Variants in GDAP1L1 observed in about 807,000 individuals in gnomAD.
GDAP1L1 encodes the protein ganglioside induced differentiation associated protein 1 like 1.
GDAP1L1 carries 21 observed loss-of-function variants against 37.1 expected under a neutral mutation model. That is an observed-to-expected ratio of 0.57 (90% CI 0.40 to 0.81). The LOEUF is 0.81. GDAP1L1 is among the 40% of genes least tolerant of loss of function. The probability of loss-of-function intolerance (pLI) is 0.00; values close to 1 mark genes in which losing one functional copy is unlikely to be tolerated. For missense variants in GDAP1L1, 362 were observed against 491.6 expected (o/e 0.74, Z 2.49); for synonymous variants, 193 against 209.1 (o/e 0.92, Z 0.67).
chr20:44,268,873 G>A (rs1158875662), intron 5 of GDAP1L1, among the ~76,000 whole-genome samples: 1 of 152,212 alleles, frequency 6.6e-6, no homozygotes, highest in Non-Finnish European at 1.5e-5. Context: ...TTTATACTAA[G>A]TACAATGGGA....
At chr20:44,275,505 C>T (rs1424694982) in intron 5 of GDAP1L1, among the ~76,000 whole-genome samples, 3 of 152,102 alleles carry the variant, frequency 2.0e-5, no homozygotes, top group Non-Finnish European at 2.9e-5. Flanking sequence ...GCAGCCATCA[C>T]AGGAAGGGAA....
intron 5 of GDAP1L1, 63 bp downstream of exon 5, chr20:44,264,622 A>G: frequency 6.4e-7 from 1 of 1,571,134 alleles, no homozygotes; most frequent in Non-Finnish European, 8.6e-7. Context: ...TCCCCTGCCC[A>G]GTCTCAGCCT....
At chr20:44,262,415 C>T (rs1278343950) in intron 3 of GDAP1L1, among the ~76,000 whole-genome samples, 1 of 151,888 alleles carries the variant, frequency 6.6e-6, no homozygotes, top group African/African-American at 2.4e-5. Flanking sequence ...TCTGGCTGGG[C>T]TTTGTGTTGG....
At chr20:44,265,170 C>T (rs2073741682) in intron 5 of GDAP1L1, 1 of 985,322 alleles carries the variant, frequency 1.0e-6, no homozygotes, top group Non-Finnish European at 1.2e-6. Flanking sequence ...TCCAGCCAGA[C>T]ATCCAAGCTC....
rs568129117 is a variant in GDAP1L1 at position 44,272,582 on chromosome 20, G to A, written c.761-6375G>A. On this transcript the variant is annotated intron_variant, in intron 5 of 5. Coordinates refer to ENST00000342560, the MANE Select transcript of GDAP1L1 (RefSeq NM_024034.6). The stretch of plus-strand genomic sequence containing the variant: ...CTCATTGTGAGATCGCCTCCAGCTG[G>A]CAGACCCAGAGAAGTGCAGAAGGGG... 9.2e-5 allele frequency among the ~76,000 whole-genome samples: 14 copies of A among 152,224 alleles called. No homozygotes were observed. The South Asian group carries it at 2.9e-3, about 32-fold the overall frequency.
intron 5 of GDAP1L1, among the ~76,000 whole-genome samples, chr20:44,272,276 A>G (rs1217633075): frequency 2.0e-5 from 3 of 152,200 alleles, no homozygotes; most frequent in Non-Finnish European, 4.4e-5. Flanking sequence ...CACGCCCTGC[A>G]TTGGTCCGCA....
chr20:44,265,541 AAT>A, intron 5 of GDAP1L1: 1 of 941,636 alleles, frequency 1.1e-6, no homozygotes, highest in Non-Finnish European at 1.3e-6. Context: ...AAAAACTTGA[AAT>A]AGAGTTCCAG....
intron 3 of GDAP1L1, among the ~76,000 whole-genome samples, chr20:44,258,861 T>G (rs1250183945): frequency 6.6e-6 from 1 of 151,964 alleles, no homozygotes; most frequent in Non-Finnish European, 1.5e-5. Flanking sequence ...CACCCCCGAC[T>G]TCCCGGCCTT....
At chr20:44,262,168 A>G (rs1018178832) in intron 3 of GDAP1L1, among the ~76,000 whole-genome samples, 1 of 151,996 alleles carries the variant, frequency 6.6e-6, no homozygotes, top group African/African-American at 2.4e-5. Context: ...TGTGAAGAAG[A>G]TATCTCTGGT....
At chr20:44,267,514 G>A (rs148163812) in intron 5 of GDAP1L1, among the ~76,000 whole-genome samples, 167 of 152,108 alleles carry the variant, frequency 1.1e-3, no homozygotes, top group African/African-American at 3.8e-3. Context: ...GGGAGGCTGA[G>A]GCAGGAGAAT....
rs756274835 is a variant in GDAP1L1 at position 44,258,445 on chromosome 20, G to T, written c.385G>T (p.Ala129Ser). The change falls in exon 3 of 6, where the codon GCC (alanine) becomes TCC (serine). Residue 129 changes from alanine to serine, a missense_variant. Around this residue, in one of 2 missense-constraint regions of GDAP1L1, gnomAD observed 277 missense variants for 337.1 expected, o/e 0.82. Coordinates refer to ENST00000342560, the MANE Select transcript of GDAP1L1 (RefSeq NM_024034.6). ...GGCGGTGCCCACAGAGCACGTGGTG[G>T]CCCTGATGCCCGAGGTGGGCAGCCT... ...ERTFTGEHVV[A>S]LMPEVGSLQH... 7.1e-6 allele frequency: 11 copies of T among 1,551,320 alleles called. No individual in the cohort carries two copies. Among genetic ancestry groups the T allele is most frequent in the Non-Finnish European group, 9.6e-6 (11 of 1,147,556 alleles).
intron 5 of GDAP1L1, among the ~76,000 whole-genome samples, chr20:44,270,421 C>T (rs922979368): frequency 2.0e-5 from 3 of 152,080 alleles, no homozygotes; most frequent in Non-Finnish European, 2.9e-5. Context: ...CCACCCGCCT[C>T]GGCCTCCCAA....
intron 1 of GDAP1L1, among the ~76,000 whole-genome samples, chr20:44,250,229 A>T (rs1429791873): frequency 6.6e-6 from 1 of 152,172 alleles, no homozygotes; most frequent in Non-Finnish European, 1.5e-5. Flanking sequence ...GTGTGGGTCC[A>T]GGCCCAGGCT....
At chr20:44,263,988 A>G (rs534021977) in intron 4 of GDAP1L1, among the ~76,000 whole-genome samples, 140 of 152,320 alleles carry the variant, frequency 9.2e-4, no homozygotes, top group African/African-American at 3.2e-3. Context: ...GGAAGCTGCT[A>G]AGCCTCAATT....
intron 5 of GDAP1L1, among the ~76,000 whole-genome samples, chr20:44,271,020 G>A (rs2062509885): frequency 6.6e-6 from 1 of 152,172 alleles, no homozygotes; most frequent in Non-Finnish European, 1.5e-5. Flanking sequence ...CCAGCTAGTT[G>A]GGAGGCTGAG....
intron 3 of GDAP1L1, among the ~76,000 whole-genome samples, chr20:44,261,088 C>T (rs2073665585): frequency 6.6e-6 from 1 of 152,166 alleles, no homozygotes; most frequent in Admixed American, 6.5e-5. Flanking sequence ...CCCAGCCCAC[C>T]CCCTCTCTCC....
intron 5 of GDAP1L1, among the ~76,000 whole-genome samples, chr20:44,275,691 C>T (rs1369712542): frequency 6.6e-6 from 1 of 152,162 alleles, no homozygotes; most frequent in African/African-American, 2.4e-5. Flanking sequence ...GGCACAGGAA[C>T]TTGGACATTA....
intron 3 of GDAP1L1, among the ~76,000 whole-genome samples, chr20:44,262,874 C>A (rs2073697212): frequency 1.3e-5 from 2 of 151,844 alleles, no homozygotes; most frequent in African/African-American, 4.8e-5. Context: ...CACCACTACA[C>A]CTGGCTAACT....
chr20:44,278,775 A>G (rs1423468715), intron 5 of GDAP1L1, among the ~76,000 whole-genome samples, 182 bp from the exon 6 acceptor site: 1 of 152,234 alleles, frequency 6.6e-6, no homozygotes, highest in Admixed American at 6.5e-5. Context: ...GTCGATTTAA[A>G]CAAAAAAATA....
Sources: gnomAD v4.1 joint callset for allele counts (sites outside exome capture counted in the v4.1 genomes callset) on GRCh38, gnomAD v4.1.1 for gene constraint, gnomAD v4.1.1 regional missense constraint, MANE v1.5 for transcripts, NCBI Gene and HGNC (gene_info 2026-07-23, HGNC 2026-07-21) for gene names.